Variants in AP3M1 observed in about 807,000 individuals in gnomAD.
The protein encoded by AP3M1 is AP-3 complex subunit mu-1.
AP3M1 carries 29 observed loss-of-function variants against 42.6 expected under a neutral mutation model. That is an observed-to-expected ratio of 0.68 (90% CI 0.51 to 0.93). The LOEUF is 0.93. Ranked by LOEUF, AP3M1 falls within the 40% of genes least tolerant of loss-of-function variation. The pLI, the probability that AP3M1 is intolerant of heterozygous loss-of-function variation, is 0.00. For synonymous variants in AP3M1, 178 were observed against 175.3 expected, an observed-to-expected ratio of 1.02 and a Z score of -0.12; for missense variants, 416 against 510.2, an observed-to-expected ratio of 0.82 and a Z score of 1.78.
chr10:74,136,856 G>T, intron 2 of AP3M1, 53 bp from the exon 3 acceptor site: 2 of 1,230,382 alleles, frequency 1.6e-6, no homozygotes, highest in Non-Finnish European at 1.1e-6. Context: ...AGAAAGGCCT[G>T]CTAAATACTT....
intron 1 of AP3M1, among the ~76,000 whole-genome samples, chr10:74,145,325 C>T (rs1337200711): frequency 6.6e-6 from 1 of 152,132 alleles, no homozygotes; most frequent in Non-Finnish European, 1.5e-5. Context: ...TCTCAGAATA[C>T]AGAAAGTTAA....
intron 1 of AP3M1, among the ~76,000 whole-genome samples, chr10:74,142,210 C>T (rs948609945): frequency 3.3e-5 from 5 of 152,238 alleles, no homozygotes; most frequent in East Asian, 1.9e-4. Context: ...CTATCTTTTA[C>T]GTGTATAAGC....
chr10:74,123,555 C>T lies in AP3M1; in HGVS notation c.*255G>A. ...CAATGTGCAGCCGCCAGATGGTATC[C>T]TCCTATGGAAAAAAATCACCTCCAA... On this transcript the variant is annotated 3_prime_UTR_variant, in exon 9 of 9. Transcript: ENST00000355264. The T allele has an allele frequency of 2.0e-6, 1 of 511,324 alleles. No homozygotes were observed. 31.7% of individuals were successfully genotyped at this position (511,324 alleles called of 1,614,324 possible). A position where few individuals can be genotyped will look rare whatever the true frequency, so the allele number is the denominator to read the frequency against.
chr10:74,146,624 C>T (rs943576606), intron 1 of AP3M1, among the ~76,000 whole-genome samples: 4 of 152,162 alleles, frequency 2.6e-5, no homozygotes, highest in African/African-American at 9.7e-5. Context: ...ATTCTGGATA[C>T]ATCTGACCCA....
chr10:74,126,170 T>G lies in AP3M1; in HGVS notation c.989A>C (p.Tyr330Ser). 1 of 1,614,214 alleles carries G rather than the reference T, an allele frequency of 6.2e-7. No individual in the cohort carries two copies. Among genetic ancestry groups the G allele is most frequent in the Non-Finnish European group, 8.5e-7 (1 of 1,180,034 alleles). ...TACCTTGGTGACTGGATCAAATGTATAGCTGCCTTGTGTGGGTGTCAGGTT... is the reference window on the plus strand; with the variant it reads ...TACCTTGGTGACTGGATCAAATGTAGAGCTGCCTTGTGTGGGTGTCAGGTT... ...NMNLTPTQGSYTFDPVTKVLT... is the reference protein window; with the variant it reads ...NMNLTPTQGSSTFDPVTKVLT... Residue 330 changes from tyrosine (Y) to serine (S), a missense_variant, in exon 7 of 9, where the codon TAT (tyrosine) becomes TCT (serine). By Grantham distance (144) the Tyr-to-Ser change is moderately radical. Coordinates refer to ENST00000355264, the MANE Select transcript of AP3M1 (RefSeq NM_012095.6).
intron 1 of AP3M1, among the ~76,000 whole-genome samples, chr10:74,138,615 A>C (rs1841024616): frequency 7.1e-6 from 1 of 140,706 alleles, no homozygotes; most frequent in Admixed American, 7.1e-5. Flanking sequence ...AAAAAAAAAA[A>C]GAAAGCCATT....
At chr10:74,145,345 C>T (rs1841295782) in intron 1 of AP3M1, among the ~76,000 whole-genome samples, 1 of 152,128 alleles carries the variant, frequency 6.6e-6, no homozygotes, top group African/African-American at 2.4e-5. Flanking sequence ...AACCAGCCTC[C>T]TAGATTTATT....
chr10:74,150,614 TG>T (rs957763654), intron 1 of AP3M1, 140 bp downstream of exon 1: 4 of 152,034 alleles, frequency 2.6e-5, no homozygotes, highest in Non-Finnish European at 5.9e-5. Context: ...AGGCCGGGAG[TG>T]GGGGGGAAGC....
At chr10:74,127,642 A>G (rs1840657827) in intron 6 of AP3M1, among the ~76,000 whole-genome samples, 1 of 151,978 alleles carries the variant, frequency 6.6e-6, no homozygotes, top group African/African-American at 2.4e-5. Flanking sequence ...CTGGGTGACA[A>G]TAGTGAAACT....
At position 74,125,394 on chromosome 10, in the gene AP3M1, G is replaced by A. The variant is rs142660800; in HGVS notation, c.1011+754C>T. ...TCGGTGTGAAGGCTCAACAGCAGAT[G>A]AGAAAGAAAGCAAAGCTGTCATAGT... On this transcript the variant is annotated intron_variant, in intron 7 of 8. Coordinates refer to ENST00000355264, the MANE Select transcript of AP3M1 (RefSeq NM_012095.6). 1.8e-4 allele frequency among the ~76,000 whole-genome samples: 28 copies of A among 152,388 alleles called. 1 individual carries two copies. The East Asian group carries it at 5.4e-3, about 29-fold the overall frequency.
rs969853890 is a variant in AP3M1 at position 74,138,411 on chromosome 10, A to T, written c.-3-29T>A. The T allele has an allele frequency of 1.8e-5, 29 of 1,575,568 alleles. No homozygotes were observed. The African/African-American group carries it at 3.9e-4, about 21-fold the overall frequency. Reference sequence around the variant, plus strand: ...TTGGGGCAAAGAAAGGTTTAAATTTATTATACATTAAATATCATTTAACAT... The same window carrying T: ...TTGGGGCAAAGAAAGGTTTAAATTTTTTATACATTAAATATCATTTAACAT... On this transcript the variant is annotated intron_variant, in intron 1 of 8. Coordinates refer to ENST00000355264, the MANE Select transcript of AP3M1 (RefSeq NM_012095.6).
Position 74,120,566 on chromosome 10 carries a change from G to A in AP3M1, c.*3244C>T. On this transcript the variant is annotated 3_prime_UTR_variant, in exon 9 of 9. Coordinates refer to ENST00000355264, the MANE Select transcript of AP3M1 (RefSeq NM_012095.6). Reference sequence around the variant, plus strand: ...AGAGACTTGCTCTGTTGCCCAGGCTGCAGTGCAGTGGTGCAATCTCAGCTC... The same window carrying A: ...AGAGACTTGCTCTGTTGCCCAGGCTACAGTGCAGTGGTGCAATCTCAGCTC... 1 of 152,520 alleles carries A rather than the reference G, an allele frequency of 6.6e-6. No homozygotes were observed. The highest frequency in any genetic ancestry group is 1.5e-5 in the Non-Finnish European group (1 of 68,180). The allele number at this position is 152,520 out of a possible 1,614,324, so 9.4% of individuals were successfully genotyped here.
chr10:74,144,630 T>C (rs924516828), intron 1 of AP3M1, among the ~76,000 whole-genome samples: 6 of 151,868 alleles, frequency 4.0e-5, no homozygotes, highest in African/African-American at 1.2e-4. Context: ...AGTTAATATA[T>C]TGAACAGTGC....
chr10:74,128,114 AAAAAAAAAAAGGAAAAG>A (rs1840671052), intron 6 of AP3M1, among the ~76,000 whole-genome samples: 1 of 144,698 alleles, frequency 6.9e-6, no homozygotes, highest in Non-Finnish European at 1.5e-5. Flanking sequence ...AAAAAAAAAA[AAAAAAAAAAAGGAAAAG>A]AAAAGAGCCG....
At chr10:74,148,864 A>T (rs1203102977) in intron 1 of AP3M1, among the ~76,000 whole-genome samples, 1 of 150,200 alleles carries the variant, frequency 6.7e-6, no homozygotes, top group East Asian at 2.0e-4. Flanking sequence ...ATCTGCCCAT[A>T]GTATATTGGT....
At chr10:74,141,973 A>G (rs370950749) in intron 1 of AP3M1, among the ~76,000 whole-genome samples, 1 of 151,218 alleles carries the variant, frequency 6.6e-6, no homozygotes. Flanking sequence ...CGCCTGCCTC[A>G]GCCTCCCAAA....
chr10:74,134,302 G>T, intron 3 of AP3M1, 138 bp from the exon 4 acceptor site: 1 of 891,728 alleles, frequency 1.1e-6, no homozygotes, highest in Non-Finnish European at 1.7e-6. Context: ...AGAATTGTCA[G>T]ACATATCCAT....
chr10:74,124,417 G>C lies in AP3M1; in HGVS notation c.1119C>G (p.Leu373=). The C allele has an allele frequency of 6.2e-7, 1 of 1,613,618 alleles. No homozygotes were observed. The highest frequency in any genetic ancestry group is 1.1e-5 in the South Asian group (1 of 90,918). ...GAPKPEENPS[L]NIQFKIQQLA... is the part of the protein sequence containing the mutation. ...GCTGCTGGATCTTAAACTGTATGTTGAGGCTCGGATTCTCTTCTGGTTTGG... is the reference window on the plus strand; with the variant it reads ...GCTGCTGGATCTTAAACTGTATGTTCAGGCTCGGATTCTCTTCTGGTTTGG... Residue 373 remains leucine (L), a synonymous_variant, in exon 8 of 9, where the codon CTC becomes CTG. Transcript: ENST00000355264.
In AP3M1 at chr10:74,138,200, G is replaced by C; in HGVS notation, c.180C>G (p.Tyr60Ter). ...STPHHYLISI[Y>*]RDKLFFVSVI... ...CAGATACAAAGAAGAGCTTATCCCG[G>C]TAGATACTGATGAGGTAGTGGTGAG... The change falls in exon 2 of 9, where the codon TAC (tyrosine) becomes TAG (stop). Residue 60 changes from tyrosine to a stop codon, truncating the protein, a stop_gained. Coordinates refer to ENST00000355264, the MANE Select transcript of AP3M1 (RefSeq NM_012095.6). LOFTEE classifies it high-confidence loss of function. The C allele has an allele frequency of 6.2e-7, 1 of 1,614,142 alleles. No homozygotes were observed.
Sources: gnomAD v4.1 joint callset for allele counts (sites outside exome capture counted in the v4.1 genomes callset) on GRCh38, gnomAD v4.1.1 for gene constraint, MANE v1.5 for transcripts, NCBI Gene and HGNC (gene_info 2026-07-23, HGNC 2026-07-21) for gene names.